The following SLC8A1 variants were observed in gnomAD, a reference collection of about 807,000 sequenced individuals.
The protein encoded by SLC8A1 is solute carrier family 8 member A1, also known as sodium/calcium exchanger 1.
SLC8A1 carries 18 observed loss-of-function variants against 68.3 expected under a neutral mutation model. The observed-to-expected ratio is 0.26, with a 90% CI of 0.18 to 0.39. The LOEUF is 0.39. Ranked by LOEUF, SLC8A1 falls within the 10% of genes least tolerant of loss-of-function variation. The pLI, the probability that SLC8A1 is intolerant of heterozygous loss-of-function variation, is 1.00. For missense variants in SLC8A1, 985 were observed against 1,156.7 expected, an observed-to-expected ratio of 0.85 and a Z score of 2.15; for synonymous variants, 475 against 415.5, an observed-to-expected ratio of 1.14 and a Z score of -1.74.
At chr2:40,340,811 G>A (rs148471642) in intron 2 of SLC8A1, among the ~76,000 whole-genome samples, 4 of 152,152 alleles carry the variant, frequency 2.6e-5, no homozygotes, top group Non-Finnish European at 4.4e-5. Flanking sequence ...AAGCCTTAGA[G>A]GCCTGAGGGT....
chr2:40,124,887 C>T (rs2037732860), intron 7 of SLC8A1, among the ~76,000 whole-genome samples: 1 of 152,148 alleles, frequency 6.6e-6, no homozygotes, highest in Non-Finnish European at 1.5e-5. Context: ...TACTATTAGT[C>T]CATAAAAAAG....
intron 2 of SLC8A1, among the ~76,000 whole-genome samples, chr2:40,376,692 A>G (rs1020135586): frequency 6.6e-6 from 1 of 152,132 alleles, no homozygotes; most frequent in African/African-American, 2.4e-5. Context: ...TGGAGGCCCC[A>G]GTGAAATGGG....
intron 2 of SLC8A1, among the ~76,000 whole-genome samples, chr2:40,202,927 A>G (rs532102332): frequency 9.9e-5 from 15 of 151,924 alleles, no homozygotes; most frequent in Non-Finnish European, 1.9e-4. Flanking sequence ...GCACCTACAT[A>G]ACCAACTTGA....
At chr2:40,200,761 T>C (rs2054212459) in intron 2 of SLC8A1, among the ~76,000 whole-genome samples, 1 of 151,800 alleles carries the variant, frequency 6.6e-6, no homozygotes, top group African/African-American at 2.4e-5. Flanking sequence ...GAAGAAGGAA[T>C]TTTTTTCTTT....
chr2:40,157,197 A>ACAAC (rs1460175166), intron 6 of SLC8A1, among the ~76,000 whole-genome samples: 1 of 152,202 alleles, frequency 6.6e-6, no homozygotes, highest in East Asian at 1.9e-4. Context: ...TGCCTCCCAA[A>ACAAC]CAACCAACTT....
In SLC8A1 at chr2:40,142,161, C is replaced by T. The variant is rs749633314; in HGVS notation, c.2162-2485G>A. On this transcript the variant is annotated intron_variant, in intron 6 of 7. Coordinates refer to ENST00000406785, the Ensembl canonical transcript of SLC8A1. ...ATTACCTACTCTTTTTTGTTTGTTT[C>T]CTTATACATTTCTTCTTTTTTCTTT... Among the ~76,000 whole-genome samples the T allele has an allele frequency of 3.9e-5, 6 of 152,178 alleles. No individual in the cohort carries two copies. The South Asian group carries it at 1.0e-3, about 26-fold the overall frequency.
rs111796968 is a variant in SLC8A1, at chr2:40,172,585, G to A, written c.1930+2240C>T. The stretch of plus-strand genomic sequence containing the variant: ...AAGAAGTTCTGAGAAAAGAAAACTA[G>A]GATCCCATTACCTGAGATATTAAAA... On this transcript the variant is annotated intron_variant, in intron 4 of 7. Coordinates refer to ENST00000406785, the Ensembl canonical transcript of SLC8A1. Among the ~76,000 whole-genome samples the A allele has an allele frequency of 2.0e-3, 310 of 152,178 alleles. 2 individuals are homozygous for A. Among genetic ancestry groups the A allele is most frequent in the African/African-American group, 7.0e-3 (291 of 41,534 alleles).
chr2:40,233,046 C>G (rs1327903658), intron 2 of SLC8A1, among the ~76,000 whole-genome samples: 6 of 152,072 alleles, frequency 3.9e-5, no homozygotes, highest in Non-Finnish European at 8.8e-5. Flanking sequence ...GTGAATAATG[C>G]TGCAGTAAAC....
chr2:40,117,396 A>AG (rs2035701166), intron 7 of SLC8A1, among the ~76,000 whole-genome samples: 1 of 84,124 alleles, frequency 1.2e-5, no homozygotes, highest in African/African-American at 4.2e-5. Context: ...AAAATACAAA[A>AG]AAAAAAAAAA....
At chr2:40,217,396 G>A (rs1489446879) in intron 2 of SLC8A1, among the ~76,000 whole-genome samples, 1 of 152,206 alleles carries the variant, frequency 6.6e-6, no homozygotes, top group Non-Finnish European at 1.5e-5. Flanking sequence ...CTGTAGGCTT[G>A]TAGTATAATT....
At chr2:40,391,448 T>C (rs6712218) in intron 2 of SLC8A1, among the ~76,000 whole-genome samples, 7,429 of 151,424 alleles carry the variant, frequency 0.049, 232 homozygotes, top group African/African-American at 0.082. Context: ...CCAATTGTTC[T>C]GGCTGGTGGC....
intron 2 of SLC8A1, among the ~76,000 whole-genome samples, chr2:40,408,324 T>G (rs1184709449): frequency 1.3e-5 from 2 of 152,232 alleles, no homozygotes; most frequent in African/African-American, 4.8e-5. Context: ...CTCCCAGGCT[T>G]AACTTATCAA....
At chr2:40,140,627 G>A (rs1220211945) in intron 6 of SLC8A1, among the ~76,000 whole-genome samples, 1 of 152,238 alleles carries the variant, frequency 6.6e-6, no homozygotes, top group Non-Finnish European at 1.5e-5. Context: ...GCATGGTCAA[G>A]TTTGAGAACC....
rs539212717 is a variant in SLC8A1 at position 40,378,500 on chromosome 2, G to C, written c.1808+49973C>G. On this transcript the variant is annotated intron_variant, in intron 2 of 7. Transcript: ENST00000406785. ...AGGTAACAGGAGGCCAGGCTTTGTG[G>C]AGTTTTTACTCTCAGTGAAGTGCGA... Among the ~76,000 whole-genome samples the C allele has an allele frequency of 6.4e-4, 97 of 152,254 alleles. 1 individual carries two copies. Among genetic ancestry groups the C allele is most frequent in the South Asian group, 1.7e-3 (8 of 4,828 alleles).
chr2:40,125,705 G>A (rs1392923841), intron 7 of SLC8A1, among the ~76,000 whole-genome samples: 5 of 151,902 alleles, frequency 3.3e-5, no homozygotes, highest in Admixed American at 3.3e-4. Context: ...GGATTGTAAT[G>A]CCCATCTTTC....
intron 2 of SLC8A1, among the ~76,000 whole-genome samples, chr2:40,380,335 A>G (rs1237692714): frequency 6.6e-6 from 1 of 152,188 alleles, no homozygotes; most frequent in African/African-American, 2.4e-5. Flanking sequence ...GAAGAATAAT[A>G]AATCAATCCT....
At chr2:40,125,379 C>CACA (rs2037860263) in intron 7 of SLC8A1, among the ~76,000 whole-genome samples, 1 of 152,034 alleles carries the variant, frequency 6.6e-6, no homozygotes, top group African/African-American at 2.4e-5. Flanking sequence ...TAGGACAGTC[C>CACA]ACAATATGGA....
chr2:40,181,021 G>A (rs1360465026), intron 2 of SLC8A1, among the ~76,000 whole-genome samples: 1 of 152,088 alleles, frequency 6.6e-6, no homozygotes, highest in African/African-American at 2.4e-5. Flanking sequence ...GTGCAGTGGT[G>A]TGATCTCGGC....
chr2:40,390,683 A>T (rs1254743214), intron 2 of SLC8A1, among the ~76,000 whole-genome samples: 2 of 152,068 alleles, frequency 1.3e-5, no homozygotes, highest in East Asian at 3.9e-4. Flanking sequence ...TCACATACAC[A>T]TAGTCCACAG....
Sources: allele counts gnomAD v4.1 joint callset (sites outside exome capture counted in the v4.1 genomes callset), GRCh38; gene constraint gnomAD v4.1.1; transcripts MANE v1.5; gene names NCBI Gene and HGNC (gene_info 2026-07-23, HGNC 2026-07-21).